MROH9: variants seen among roughly 807,000 people sequenced by gnomAD.
MROH9 encodes the protein maestro heat-like repeat-containing protein family member 9.
Under a neutral mutation model 98.2 loss-of-function variants are expected in MROH9, and 92 were observed. The observed-to-expected ratio is 0.94, with a 90% confidence interval of 0.79 to 1.11. The LOEUF (loss-of-function observed/expected upper bound fraction) is 1.11. Ranked by LOEUF, MROH9 falls within the 50% of genes most tolerant of loss-of-function variation. The pLI is 0.00. For synonymous variants in MROH9, 397 were observed against 368.9 expected (o/e 1.08, Z -0.87); for missense variants, 1,057 against 1,014.8 (o/e 1.04, Z -0.57).
Position 170,965,137 on chromosome 1 carries a change from T to A in MROH9, c.376-14T>A, listed in dbSNP as rs1351706259. On this transcript the variant is annotated splice_polypyrimidine_tract_variant and intron_variant, in intron 6 of 21. Transcript: ENST00000367759. ...AATTTCATGGTTCTAGGATGACTTT[T>A]ATGTTTCCAACAGGAAATGCTCGTG... 6.3e-7 allele frequency: 1 copy of A among 1,589,822 alleles called. No individual in the cohort carries two copies. The highest frequency in any genetic ancestry group is 8.6e-7 in the Non-Finnish European group (1 of 1,160,026).
At chr1:170,962,604 G>A (rs1201460280) in intron 6 of MROH9, among the ~76,000 whole-genome samples, 1 of 152,094 alleles carries the variant, frequency 6.6e-6, no homozygotes, top group Admixed American at 6.6e-5. Context: ...CCTACCAGGA[G>A]CATCTATGAG....
At chr1:170,998,362 C>T in intron 15 of MROH9, 88 bp downstream of exon 15, 1 of 1,611,674 alleles carries the variant, frequency 6.2e-7, no homozygotes. Context: ...CGTATCTCTC[C>T]CTCTGAATGT....
intron 1 of MROH9, among the ~76,000 whole-genome samples, chr1:170,943,270 G>GA (rs1482141256): frequency 2.6e-5 from 4 of 151,764 alleles, no homozygotes; most frequent in Admixed American, 6.6e-5. Flanking sequence ...TGCAGCTCAG[G>GA]AAAAAAATGG....
At chr1:170,970,731 T>TGTGTGTGTGTGTGAGAGAGAGAGA (rs1491154307) in intron 7 of MROH9, among the ~76,000 whole-genome samples, 1 of 90,804 alleles carries the variant, frequency 1.1e-5, no homozygotes, top group African/African-American at 4.3e-5. Flanking sequence ...TGTGTGTGTG[T>TGTGTGTGTGTGTGAGAGAGAGAGA]GAGAGAGAGA....
At chr1:171,059,116 C>T (rs955344862) in intron 20 of MROH9, among the ~76,000 whole-genome samples, 2 of 151,580 alleles carry the variant, frequency 1.3e-5, no homozygotes, top group Admixed American at 6.6e-5. Context: ...TATCCAGAAT[C>T]GACAAGAAAC....
intron 13 of MROH9, among the ~76,000 whole-genome samples, chr1:170,996,196 T>G (rs185679769): frequency 6.6e-6 from 1 of 152,284 alleles, no homozygotes; most frequent in Admixed American, 6.5e-5. Flanking sequence ...AAAATGGACA[T>G]CTTTAGCAAG....
At chr1:171,029,699 G>A (rs1652843286) in intron 20 of MROH9, among the ~76,000 whole-genome samples, 1 of 152,150 alleles carries the variant, frequency 6.6e-6, no homozygotes, top group African/African-American at 2.4e-5. Flanking sequence ...CGATTTGTCA[G>A]TATTTTATTG....
chr1:171,059,721 C>A (rs1484891778), intron 20 of MROH9, among the ~76,000 whole-genome samples: 1 of 152,110 alleles, frequency 6.6e-6, no homozygotes. Flanking sequence ...GAGATCATGT[C>A]CTTTGCAGGG....
chr1:170,973,358 G>A (rs745458097), intron 8 of MROH9, among the ~76,000 whole-genome samples: 7 of 151,984 alleles, frequency 4.6e-5, no homozygotes, highest in African/African-American at 7.3e-5. Flanking sequence ...CACAAGTACC[G>A]AGGTACAGTA....
intron 20 of MROH9, among the ~76,000 whole-genome samples, chr1:171,042,862 A>C (rs1033443616): frequency 6.6e-6 from 1 of 151,998 alleles, no homozygotes; most frequent in Non-Finnish European, 1.5e-5. Flanking sequence ...GAGTTGTTTG[A>C]ACTCCTTATA....
chr1:170,988,588 G>A (rs1651236833), intron 10 of MROH9, among the ~76,000 whole-genome samples: 1 of 152,048 alleles, frequency 6.6e-6, no homozygotes, highest in African/African-American at 2.4e-5. Flanking sequence ...AACAAAATGG[G>A]CTCCTCAATT....
intron 8 of MROH9, among the ~76,000 whole-genome samples, chr1:170,977,982 G>C (rs1650780750): frequency 6.6e-6 from 1 of 152,198 alleles, no homozygotes; most frequent in Non-Finnish European, 1.5e-5. Context: ...TGGGTTGACT[G>C]TAACTTGCTG....
chr1:171,010,594 C>T (rs529698328), intron 15 of MROH9, among the ~76,000 whole-genome samples: 1 of 152,290 alleles, frequency 6.6e-6, no homozygotes, highest in African/African-American at 2.4e-5. Context: ...TCTCCAGAAT[C>T]TGTTGTTTCC....
At chr1:170,987,345 A>G (rs1651177670) in intron 10 of MROH9, among the ~76,000 whole-genome samples, 1 of 152,210 alleles carries the variant, frequency 6.6e-6, no homozygotes, top group African/African-American at 2.4e-5. Flanking sequence ...CCCTTAAGGA[A>G]TGATTTCAAA....
chr1:170,965,057 G>T (rs770204094), intron 6 of MROH9, 94 bp from the exon 7 acceptor site: 34 of 757,386 alleles, frequency 4.5e-5, no homozygotes, highest in Non-Finnish European at 6.9e-5. Flanking sequence ...GGAGAATGTA[G>T]GAAGGCCTGA....
intron 6 of MROH9, among the ~76,000 whole-genome samples, chr1:170,962,674 A>G (rs1338390524): frequency 1.3e-5 from 2 of 152,152 alleles, no homozygotes; most frequent in Admixed American, 6.6e-5. Flanking sequence ...TGAATACAAA[A>G]AGGAATTTGA....
At chr1:170,954,063 C>T (rs991463666) in intron 3 of MROH9, among the ~76,000 whole-genome samples, 1 of 151,990 alleles carries the variant, frequency 6.6e-6, no homozygotes, top group Admixed American at 6.6e-5. Flanking sequence ...TGGTCTGATT[C>T]TCTAGTCTTT....
intron 15 of MROH9, 192 bp downstream of exon 15, chr1:170,998,466 T>C (rs1362369016): frequency 1.3e-6 from 2 of 1,530,750 alleles, no homozygotes; most frequent in African/African-American, 1.4e-5. Flanking sequence ...AGTTGTCCCT[T>C]CAGCTTTCCC....
intron 20 of MROH9, among the ~76,000 whole-genome samples, chr1:171,033,666 G>GT (rs1056543033): frequency 1.3e-5 from 2 of 152,114 alleles, no homozygotes; most frequent in Non-Finnish European, 2.9e-5. Flanking sequence ...TTGTTTGTTT[G>GT]TTTGTTTTGT....
Sources: allele counts gnomAD v4.1 joint callset (sites outside exome capture counted in the v4.1 genomes callset), GRCh38; gene constraint gnomAD v4.1.1; transcripts MANE v1.5; gene names NCBI Gene and HGNC (gene_info 2026-07-23, HGNC 2026-07-21).